Variants in DENND3 observed in about 807,000 individuals in gnomAD.
DENND3 encodes DENN domain-containing protein 3.
Under a neutral mutation model 135.1 loss-of-function variants are expected in DENND3, and 88 were observed. The ratio of observed to expected loss-of-function variants is 0.65; its 90% CI spans 0.55 to 0.78. DENND3 has a LOEUF of 0.78. Among genes scored for constraint, DENND3 ranks in the 30% least tolerant of loss-of-function variants. The pLI is 0.00. For synonymous variants in DENND3, 693 were observed against 712.3 expected (o/e 0.97, Z 0.43); for missense variants, 1,392 against 1,688.4 (o/e 0.82, Z 3.08).
In DENND3 at chr8:141,136,576, T is replaced by C; in HGVS notation, c.170T>C (p.Val57Ala). The change falls in exon 2 of 23, where the codon GTG (valine) becomes GCG (alanine). Residue 57 changes from valine (V) to alanine (A), a missense_variant. By Grantham distance (64) the Val-to-Ala change is moderately conservative. Transcript: ENST00000519811. The part of the protein sequence containing the change: ...LLDPEVLSIF[V>A]PPFISKEDSQ... ...GATCCAGAGGTCCTGTCCATTTTCG[T>C]GCCTCCTTTTATCAGTAAAGAGGAC... 1 of 1,575,374 alleles carries C rather than the reference T, an allele frequency of 6.3e-7. No individual in the cohort carries two copies. Among genetic ancestry groups the C allele is most frequent in the Non-Finnish European group, 8.6e-7 (1 of 1,160,296 alleles).
At position 141,192,434 on chromosome 8, in the gene DENND3, C is replaced by G. The variant is rs773519575; in HGVS notation, c.3483C>G (p.Phe1161Leu). 1 of 1,614,234 alleles carries G rather than the reference C, an allele frequency of 6.2e-7. No homozygotes were observed. The highest frequency in any genetic ancestry group is 1.1e-5 in the South Asian group (1 of 91,086). Reference sequence around the variant, plus strand: ...ACACCAGTACCTCCTTCCTGGCCTTCCAGCTCCTTCCTGAGGTATCCCAGC... The same window carrying G: ...ACACCAGTACCTCCTTCCTGGCCTTGCAGCTCCTTCCTGAGGTATCCCAGC... ...FKDTSTSFLA[F>L]QLLPEEEQLW... Residue 1161 changes from phenylalanine (F) to leucine (L), a missense_variant, in exon 21 of 23, where the codon TTC (phenylalanine) becomes TTG (leucine). Physicochemically the swap from Phe to Leu is conservative, Grantham distance 22 (BLOSUM62 0). Transcript: ENST00000519811.
At chr8:141,140,410 C>A (rs1261061812) in intron 3 of DENND3, among the ~76,000 whole-genome samples, 2 of 152,194 alleles carry the variant, frequency 1.3e-5, no homozygotes, top group Non-Finnish European at 2.9e-5. Context: ...TTTGTGTAGT[C>A]ATTCATTTAA....
At position 141,169,498 on chromosome 8, in the gene DENND3, C is replaced by T. The variant is rs1004867952; in HGVS notation, c.2275+973C>T. Among the ~76,000 whole-genome samples the T allele has an allele frequency of 4.6e-5, 7 of 152,324 alleles. No individual in the cohort carries two copies. The South Asian group carries it at 6.2e-4, about 14-fold the overall frequency. On this transcript the variant is annotated intron_variant, in intron 13 of 22. Transcript: ENST00000519811. ...GAAATGCTGCAGACACATGCAAAAG[C>T]GGGGACGTGGGACAAATGCCAGGGT... is the stretch of plus-strand genomic sequence containing the variant.
chr8:141,172,203 C>G (rs1821701476), intron 13 of DENND3, among the ~76,000 whole-genome samples: 1 of 138,654 alleles, frequency 7.2e-6, no homozygotes, highest in Non-Finnish European at 1.6e-5. Flanking sequence ...TAGGTGTGCA[C>G]AGTGGATGTG....
In DENND3 at chr8:141,141,530, C is replaced by G; in HGVS notation, c.623+206C>G. 2 of 580,182 alleles carry G rather than the reference C, an allele frequency of 3.4e-6. No homozygotes were observed. Among genetic ancestry groups the G allele is most frequent in the South Asian group, 2.2e-5 (1 of 45,728 alleles). The allele number at this position is 580,182 out of a possible 1,614,324, so 35.9% of individuals were successfully genotyped here. A position where few individuals can be genotyped will look rare whatever the true frequency, so the allele number is the denominator to read the frequency against. ...GTTGCTTAAGGCTGGGGGCAGTGGG[C>G]AGGGGGTGTGGCAGCGGGCGCTCCT... is the stretch of plus-strand genomic sequence containing the variant. On this transcript the variant is annotated intron_variant, in intron 4 of 22. Coordinates refer to ENST00000519811, the MANE Select transcript of DENND3 (RefSeq NM_001352890.3). The surrounding 1 kb of genome is among the most constrained non-coding windows in gnomAD (Gnocchi z 5.3).
At chr8:141,132,205 G>A (rs1816205212) in intron 1 of DENND3, among the ~76,000 whole-genome samples, 1 of 152,108 alleles carries the variant, frequency 6.6e-6, no homozygotes, top group Non-Finnish European at 1.5e-5. Flanking sequence ...CTACATTTAT[G>A]AAACAAAATT....
intron 15 of DENND3, 40 bp from the exon 16 acceptor site, chr8:141,178,027 T>G (rs1822616949): frequency 1.3e-6 from 2 of 1,576,734 alleles, no homozygotes; most frequent in Non-Finnish European, 1.7e-6. Flanking sequence ...CTGATCTTAG[T>G]GATTCTTGCT....
chr8:141,175,090 C>G lies in DENND3; in HGVS notation c.2276-110C>G. 7.4e-7 allele frequency: 1 copy of G among 1,346,310 alleles called. No homozygotes were observed. The highest frequency in any genetic ancestry group is 1.0e-6 in the Non-Finnish European group (1 of 991,556). 83.4% of individuals were successfully genotyped at this position (1,346,310 alleles called of 1,614,324 possible). On this transcript the variant is annotated intron_variant, in intron 13 of 22. Coordinates refer to ENST00000519811, the MANE Select transcript of DENND3 (RefSeq NM_001352890.3). The surrounding 1 kb of genome is among the most constrained non-coding windows in gnomAD (Gnocchi z 5.4). ...CCAGCGCCCTGAGTGCTGGCGCCAC[C>G]TGCTGCCGGGTTCCGGTAGTGTGCG...
At position 141,184,697 on chromosome 8, in the gene DENND3, A is replaced by C. The variant is rs551204574; in HGVS notation, c.2945-442A>C. Reference sequence around the variant, plus strand: ...GACGGACGCCAGCAAGTGTTGGGAAAGACGCGGAGCCCGCTGCACATGAGG... The same window carrying C: ...GACGGACGCCAGCAAGTGTTGGGAACGACGCGGAGCCCGCTGCACATGAGG... On this transcript the variant is annotated intron_variant, in intron 17 of 22. Transcript: ENST00000519811. The C allele has an allele frequency of 2.2e-4, 35 of 158,620 alleles. No individual in the cohort carries two copies. The South Asian group carries it at 6.0e-3, about 27-fold the overall frequency. The allele number at this position is 158,620 out of a possible 1,614,324, so 9.8% of individuals were successfully genotyped here.
chr8:141,176,460 C>A, intron 14 of DENND3, 131 bp from the exon 15 acceptor site: 1 of 1,140,766 alleles, frequency 8.8e-7, no homozygotes, highest in Non-Finnish European at 1.3e-6. Flanking sequence ...CCCTGCCTTC[C>A]ACATGCCAGC....
In DENND3 at chr8:141,167,005, C is replaced by T. The variant is rs993602365; in HGVS notation, c.1753+616C>T. On this transcript the variant is annotated intron_variant, in intron 12 of 22. Coordinates refer to ENST00000519811, the MANE Select transcript of DENND3 (RefSeq NM_001352890.3). The surrounding 1 kb of genome is among the most constrained non-coding windows in gnomAD (Gnocchi z 4.1). ...CCCCCAGGGCACCTGCTGCTGCTGTCTCGGGCCCAGGCAGCAAGTACCATG... is the reference window on the plus strand; with the variant it reads ...CCCCCAGGGCACCTGCTGCTGCTGTTTCGGGCCCAGGCAGCAAGTACCATG... Among the ~76,000 whole-genome samples the T allele has an allele frequency of 2.0e-5, 3 of 152,222 alleles. No homozygotes were observed. The highest frequency in any genetic ancestry group is 6.5e-5 in the Admixed American group (1 of 15,288).
chr8:141,185,502 G>C lies in DENND3; in HGVS notation c.3084+224G>C, dbSNP rs1589708641. ...TATTGAAGGAGAAGATAATGGCTTT[G>C]ACTTTCTCATCTAAAAACAGATTTC... On this transcript the variant is annotated intron_variant, in intron 18 of 22. Coordinates refer to ENST00000519811, the MANE Select transcript of DENND3 (RefSeq NM_001352890.3). The C allele has an allele frequency of 7.6e-6, 4 of 528,238 alleles. No individual in the cohort carries two copies. In the East Asian group the frequency reaches 1.3e-4, roughly 18 times the overall value. The allele number at this position is 528,238 out of a possible 1,614,324, so 32.7% of individuals were successfully genotyped here.
rs1204374592 is a variant in DENND3, at chr8:141,146,799, G to A, written c.735+2540G>A. On this transcript the variant is annotated intron_variant, in intron 5 of 22. Coordinates refer to ENST00000519811, the MANE Select transcript of DENND3 (RefSeq NM_001352890.3). The surrounding 1 kb of genome is among the most constrained non-coding windows in gnomAD (Gnocchi z 4.3). ...CCTTTGTAGGGCATGTTTATCGGCC[G>A]CGTGTTTTATGTGGATAGTTGGCAT... Among the ~76,000 whole-genome samples, 5 of 152,188 alleles carry A rather than the reference G, an allele frequency of 3.3e-5. No individual in the cohort carries two copies. The highest frequency in any genetic ancestry group is 2.1e-4 in the South Asian group (1 of 4,826).
intron 5 of DENND3, among the ~76,000 whole-genome samples, chr8:141,148,014 G>A (rs1179258875): frequency 6.6e-6 from 1 of 152,214 alleles, no homozygotes; most frequent in African/African-American, 2.4e-5. Flanking sequence ...ATCTGTTTTA[G>A]GGAATGTCAT....
At chr8:141,170,937 C>G (rs537821528) in intron 13 of DENND3, among the ~76,000 whole-genome samples, 1 of 152,218 alleles carries the variant, frequency 6.6e-6, no homozygotes, top group African/African-American at 2.4e-5. Flanking sequence ...CCCCCACCCC[C>G]GCCACACAGT....
At chr8:141,159,655 A>G (rs1819894600) in intron 8 of DENND3, among the ~76,000 whole-genome samples, 1 of 152,238 alleles carries the variant, frequency 6.6e-6, no homozygotes, top group African/African-American at 2.4e-5. Context: ...AGATCAGTGT[A>G]TGGCATACAG....
Position 141,168,369 on chromosome 8 carries a change from A to G in DENND3, c.2119A>G (p.Lys707Glu). ...GAGGCTCATCAGCGAGATCCTGGACAAGCCGCACGAGGCCTCGAAGCTGGA... is the reference window on the plus strand; with the variant it reads ...GAGGCTCATCAGCGAGATCCTGGACGAGCCGCACGAGGCCTCGAAGCTGGA... ...LMRLISEILD[K>E]PHEASKLDDH... The change falls in exon 13 of 23, where the codon AAG becomes GAG. Residue 707 changes from lysine to glutamate, a missense_variant. Lys to Glu is a moderately conservative substitution (Grantham distance 56). Coordinates refer to ENST00000519811, the MANE Select transcript of DENND3 (RefSeq NM_001352890.3). The surrounding 1 kb of genome is among the most constrained non-coding windows in gnomAD (Gnocchi z 6.2). The G allele has an allele frequency of 6.2e-7, 1 of 1,613,922 alleles. No homozygotes were observed. Among genetic ancestry groups the G allele is most frequent in the Non-Finnish European group, 8.5e-7 (1 of 1,180,032 alleles).
In DENND3 at chr8:141,168,167, T is replaced by A; in HGVS notation, c.1917T>A (p.Tyr639Ter). The A allele has an allele frequency of 6.2e-7, 1 of 1,614,200 alleles. No individual in the cohort carries two copies. The highest frequency in any genetic ancestry group is 2.2e-5 in the East Asian group (1 of 44,886). ...ATAACTCTCTGCTCCTGGCCCGCTA[T>A]TTGTACCTCCGAGGGCTCGTTTATC... ...APDNSLLLAR[Y>*]LYLRGLVYLM... The change falls in exon 13 of 23, where the codon TAT (tyrosine) becomes TAA (stop). Residue 639 changes from tyrosine to a stop codon, truncating the protein, a stop_gained. Coordinates refer to ENST00000519811, the MANE Select transcript of DENND3 (RefSeq NM_001352890.3). LOFTEE classifies it high-confidence loss of function. The surrounding 1 kb of genome is among the most constrained non-coding windows in gnomAD (Gnocchi z 6.2).
rs1817006544 is a variant in DENND3, at chr8:141,138,155, C to T, written c.501+18C>T. The T allele has an allele frequency of 6.3e-7, 1 of 1,583,664 alleles. No individual in the cohort carries two copies. The highest frequency in any genetic ancestry group is 1.3e-5 in the African/African-American group (1 of 74,332). ...CCCTGCATGTAGGTGGTTCCCGTTA[C>T]TCCCCTCTGAAATTGGGTTTAGATT... On this transcript the variant is annotated intron_variant, in intron 3 of 22. Transcript: ENST00000519811. This position sits in a 1 kb window ranked among gnomAD's most constrained non-coding sequence, Gnocchi z 4.8.
Sources: allele counts gnomAD v4.1 joint callset (sites outside exome capture counted in the v4.1 genomes callset), GRCh38; gene constraint gnomAD v4.1.1; non-coding constraint Gnocchi (gnomAD v3.1); transcripts MANE v1.5; gene names NCBI Gene and HGNC (gene_info 2026-07-23, HGNC 2026-07-21).